Variants in PLPP3 observed in about 807,000 individuals in gnomAD.
The protein encoded by PLPP3 is phospholipid phosphatase 3, also known as PAP2 beta.
Under a neutral mutation model 29.6 loss-of-function variants are expected in PLPP3, and 6 were observed. That is an observed-to-expected ratio of 0.20 (90% CI 0.11 to 0.40). The LOEUF (loss-of-function observed/expected upper bound fraction) is 0.40. Among genes scored for constraint, PLPP3 ranks in the 10% least tolerant of loss-of-function variants. PLPP3 has a pLI of 1.00. For missense variants in PLPP3, 308 were observed against 407.7 expected, an observed-to-expected ratio of 0.76 and a Z score of 2.11; for synonymous variants, 152 against 159.7, an observed-to-expected ratio of 0.95 and a Z score of 0.36.
intron 1 of PLPP3, among the ~76,000 whole-genome samples, chr1:56,571,420 G>A (rs11206846): frequency 0.083 from 12,601 of 152,106 alleles, 966 homozygotes; most frequent in East Asian, 0.24. Flanking sequence ...ATAGTGAGCA[G>A]ACTCCAGTCT....
chr1:56,562,511 C>CA (rs902844937), intron 1 of PLPP3, among the ~76,000 whole-genome samples: 15 of 151,920 alleles, frequency 9.9e-5, no homozygotes, highest in Admixed American at 3.3e-4. Flanking sequence ...TCAGACACAA[C>CA]AAAAAAAATA....
intron 5 of PLPP3, among the ~76,000 whole-genome samples, chr1:56,504,946 TA>T (rs1471365126): frequency 6.6e-6 from 1 of 152,224 alleles, no homozygotes; most frequent in Non-Finnish European, 1.5e-5. Flanking sequence ...ACTAGGTGGT[TA>T]CCACCAGCAT....
At chr1:56,521,234 C>CA (rs765448174) in intron 4 of PLPP3, among the ~76,000 whole-genome samples, 1,838 of 54,290 alleles carry the variant, frequency 0.034, 76 homozygotes, top group African/African-American at 0.097. Flanking sequence ...GACTCTGTCT[C>CA]AAAAAAAAAA....
intron 1 of PLPP3, among the ~76,000 whole-genome samples, chr1:56,548,307 C>T (rs898976281): frequency 4.6e-5 from 7 of 152,208 alleles, no homozygotes; most frequent in African/African-American, 1.7e-4. Context: ...TAACTCAATA[C>T]AAACCTTGAA....
In PLPP3 at chr1:56,557,022, G is replaced by GAGAGAGAGAA. The variant is rs1553139335; in HGVS notation, c.140-19911_140-19910insTTCTCTCTCT. ...AGAAAGAAAGAAAGAGAGAGAGAGA[G>GAGAGAGAGAA]AGAAAGAGAGAGAGAGAGAGAGAGA... On this transcript the variant is annotated intron_variant, in intron 1 of 5. Transcript: ENST00000371250. Among the ~76,000 whole-genome samples, 93 of 13,050 alleles carry GAGAGAGAGAA rather than the reference G, an allele frequency of 7.1e-3. 8 individuals carry two copies. Among genetic ancestry groups the GAGAGAGAGAA allele is most frequent in the Middle Eastern group, 0.038 (1 of 26 alleles). 8.6% of individuals were successfully genotyped at this position (13,050 alleles called of 152,430 possible). A position where few individuals can be genotyped will look rare whatever the true frequency, so the allele number is the denominator to read the frequency against.
In PLPP3 at chr1:56,524,650, T is replaced by C; in HGVS notation, c.298-96A>G. 1.5e-6 allele frequency: 2 copies of C among 1,372,980 alleles called. No homozygotes were observed. The highest frequency in any genetic ancestry group is 2.0e-6 in the Non-Finnish European group (2 of 998,586). 85.0% of individuals were successfully genotyped at this position (1,372,980 alleles called of 1,614,324 possible). ...TTCAACAACACAGGAGAATATTCAG[T>C]ATTTGCAAAGGAGTGTCCTAATTTT... is the stretch of plus-strand genomic sequence containing the variant. On this transcript the variant is annotated intron_variant, in intron 2 of 5. Coordinates refer to ENST00000371250, the MANE Select transcript of PLPP3 (RefSeq NM_003713.5). This position sits in a 1 kb window ranked among gnomAD's most constrained non-coding sequence, Gnocchi z 4.3.
At chr1:56,559,301 C>T (rs1053596353) in intron 1 of PLPP3, among the ~76,000 whole-genome samples, 1 of 152,146 alleles carries the variant, frequency 6.6e-6, no homozygotes, top group African/African-American at 2.4e-5. Flanking sequence ...AATGAGAATA[C>T]CTGTGCATTC....
intron 5 of PLPP3, among the ~76,000 whole-genome samples, chr1:56,503,836 A>C (rs1645684371): frequency 6.6e-6 from 1 of 152,152 alleles, no homozygotes; most frequent in Non-Finnish European, 1.5e-5. Flanking sequence ...GCTGGAGTGC[A>C]GTGCACGATC....
At chr1:56,539,436 G>A (rs1026356011) in intron 1 of PLPP3, among the ~76,000 whole-genome samples, 3 of 152,040 alleles carry the variant, frequency 2.0e-5, no homozygotes, top group Non-Finnish European at 4.4e-5. Context: ...GGATTTATTT[G>A]GTTTTATTCT....
chr1:56,506,797 C>T (rs1231404771), intron 5 of PLPP3, among the ~76,000 whole-genome samples: 1 of 152,006 alleles, frequency 6.6e-6, no homozygotes, highest in Non-Finnish European at 1.5e-5. Context: ...CAATATGAGC[C>T]TGTGTTTTTT....
Position 56,496,435 on chromosome 1 carries a change from A to T in PLPP3, c.*116T>A. 7.5e-7 allele frequency: 1 copy of T among 1,334,164 alleles called. No individual in the cohort carries two copies. The highest frequency in any genetic ancestry group is 1.0e-6 in the Non-Finnish European group (1 of 975,718). 82.6% of individuals were successfully genotyped at this position (1,334,164 alleles called of 1,614,324 possible). ...TAAAACATTTTTTTTTTCCTTTTTAAAAATCAGTCGGGCAAAAGTTTTTCC... is the reference window on the plus strand; with the variant it reads ...TAAAACATTTTTTTTTTCCTTTTTATAAATCAGTCGGGCAAAAGTTTTTCC... On this transcript the variant is annotated 3_prime_UTR_variant, in exon 6 of 6. Transcript: ENST00000371250.
chr1:56,557,028 G>GAAAGAA lies in PLPP3; in HGVS notation c.140-19917_140-19916insTTCTTT, dbSNP rs759578673. Among the ~76,000 whole-genome samples, 16 of 11,732 alleles carry GAAAGAA rather than the reference G, an allele frequency of 1.4e-3. 2 individuals carry two copies. Among genetic ancestry groups the GAAAGAA allele is most frequent in the East Asian group, 4.1e-3 (2 of 488 alleles). The allele number at this position is 11,732 out of a possible 152,430, so 7.7% of individuals were successfully genotyped here. A position where few individuals can be genotyped will look rare whatever the true frequency, so the allele number is the denominator to read the frequency against. The stretch of plus-strand genomic sequence containing the variant: ...AAAGAAAGAGAGAGAGAGAGAGAAA[G>GAAAGAA]AGAGAGAGAGAGAGAGAGAGAGAGA... On this transcript the variant is annotated intron_variant, in intron 1 of 5. Coordinates refer to ENST00000371250, the MANE Select transcript of PLPP3 (RefSeq NM_003713.5).
chr1:56,540,895 C>CTTGG (rs1645964596), intron 1 of PLPP3, among the ~76,000 whole-genome samples: 1 of 152,168 alleles, frequency 6.6e-6, no homozygotes, highest in Non-Finnish European at 1.5e-5. Flanking sequence ...TCTTCTCCAA[C>CTTGG]AACCTTTAGT....
At chr1:56,507,577 G>A (rs1000475309) in intron 5 of PLPP3, among the ~76,000 whole-genome samples, 5 of 152,212 alleles carry the variant, frequency 3.3e-5, no homozygotes, top group African/African-American at 4.8e-5. Flanking sequence ...AGTGCAAAAG[G>A]CCATGGGGGA....
In PLPP3 at chr1:56,495,191, G is replaced by T. The variant is rs542729350; in HGVS notation, c.*1360C>A. The T allele has an allele frequency of 6.6e-6, 1 of 152,596 alleles. No homozygotes were observed. The highest frequency in any genetic ancestry group is 2.4e-5 in the African/African-American group (1 of 41,518). 9.5% of individuals were successfully genotyped at this position (152,596 alleles called of 1,614,324 possible). On this transcript the variant is annotated 3_prime_UTR_variant, in exon 6 of 6. Transcript: ENST00000371250. ...TGCTATAAGTTGAAATGAAAGGACGGATTCTGTAGTAAGGATGTGCATGTG... is the reference window on the plus strand; with the variant it reads ...TGCTATAAGTTGAAATGAAAGGACGTATTCTGTAGTAAGGATGTGCATGTG...
intron 5 of PLPP3, 84 bp from the exon 6 acceptor site, chr1:56,496,760 A>G: frequency 1.3e-6 from 2 of 1,487,442 alleles, no homozygotes; most frequent in South Asian, 2.5e-5. Flanking sequence ...AGAGGAGCGC[A>G]GACTTCAGGA....
intron 4 of PLPP3, among the ~76,000 whole-genome samples, chr1:56,518,713 A>AC (rs1645798749): frequency 8.1e-6 from 1 of 123,180 alleles, no homozygotes; most frequent in Non-Finnish European, 1.6e-5. Flanking sequence ...TTTTTTAATC[A>AC]TTTATATATA....
intron 1 of PLPP3, among the ~76,000 whole-genome samples, chr1:56,573,452 G>C (rs79313096): frequency 6.6e-6 from 1 of 152,058 alleles, no homozygotes; most frequent in Non-Finnish European, 1.5e-5. Flanking sequence ...TCAGTGCAGG[G>C]ACAAAAAGCC....
chr1:56,500,044 G>A (rs1645656782), intron 5 of PLPP3, among the ~76,000 whole-genome samples: 1 of 152,206 alleles, frequency 6.6e-6, no homozygotes, highest in Non-Finnish European at 1.5e-5. Flanking sequence ...CCTAAGCACA[G>A]AGAAGAGATC....
Sources: allele counts gnomAD v4.1 joint callset (sites outside exome capture counted in the v4.1 genomes callset), GRCh38; gene constraint gnomAD v4.1.1; non-coding constraint Gnocchi (gnomAD v3.1); transcripts MANE v1.5; gene names NCBI Gene and HGNC (gene_info 2026-07-23, HGNC 2026-07-21).